FRMD5: variants seen among roughly 807,000 people sequenced by gnomAD.
The protein encoded by FRMD5 is FERM domain containing 5, also known as FERM domain-containing protein 5.
FRMD5 carries 20 observed loss-of-function variants against 69.0 expected under a neutral mutation model. The observed-to-expected ratio is 0.29, with a 90% CI of 0.20 to 0.42. FRMD5 has a LOEUF of 0.42. FRMD5 is among the 10% of genes least tolerant of loss of function. FRMD5 has a pLI of 1.00. For missense variants in FRMD5, 595 were observed against 708.6 expected, an observed-to-expected ratio of 0.84 and a Z score of 1.82; for synonymous variants, 271 against 260.1, an observed-to-expected ratio of 1.04 and a Z score of -0.40.
At chr15:44,051,918 T>G (rs1474709732) in intron 1 of FRMD5, among the ~76,000 whole-genome samples, 2 of 152,190 alleles carry the variant, frequency 1.3e-5, no homozygotes, top group Non-Finnish European at 2.9e-5. Context: ...TCACTGTTAA[T>G]GCTGATCTTC....
chr15:44,093,733 C>T (rs1463192975), intron 1 of FRMD5, among the ~76,000 whole-genome samples: 6 of 151,838 alleles, frequency 4.0e-5, no homozygotes, highest in African/African-American at 7.3e-5. Flanking sequence ...CCACCATGCC[C>T]GGCTAATTTT....
At chr15:44,092,835 C>T (rs2076492013) in intron 1 of FRMD5, among the ~76,000 whole-genome samples, 2 of 152,044 alleles carry the variant, frequency 1.3e-5, no homozygotes, top group East Asian at 1.9e-4. Context: ...TTTCGCTGAC[C>T]CCACATCCTA....
At chr15:43,885,990 A>G (rs1480578298) in intron 10 of FRMD5, among the ~76,000 whole-genome samples, 1 of 152,146 alleles carries the variant, frequency 6.6e-6, no homozygotes, top group East Asian at 1.9e-4. Context: ...GTGTCAGGAG[A>G]GTGAAGGCTC....
At chr15:44,024,829 G>T (rs1891360556) in intron 1 of FRMD5, among the ~76,000 whole-genome samples, 1 of 152,182 alleles carries the variant, frequency 6.6e-6, no homozygotes. Context: ...ATACCTGAAA[G>T]CTCTTAGTCA....
At chr15:43,989,857 G>A in intron 1 of FRMD5, 15 of 1,025,842 alleles carry the variant, frequency 1.5e-5, no homozygotes, top group Non-Finnish European at 2.3e-5. Flanking sequence ...GGGGCTCAGG[G>A]GGACCTTGGT....
At chr15:44,152,453 G>T (rs1566973311) in intron 1 of FRMD5, among the ~76,000 whole-genome samples, 1 of 152,108 alleles carries the variant, frequency 6.6e-6, no homozygotes, top group South Asian at 2.1e-4. Context: ...TCCAGTTTGG[G>T]ACAATTATAA....
intron 1 of FRMD5, among the ~76,000 whole-genome samples, chr15:44,012,313 TA>T (rs1387583230): frequency 6.6e-6 from 1 of 152,224 alleles, no homozygotes; most frequent in Non-Finnish European, 1.5e-5. Context: ...ACAGAGACTC[TA>T]AACTTTTCTA....
At chr15:44,097,785 G>C (rs1046120024) in intron 1 of FRMD5, among the ~76,000 whole-genome samples, 7 of 152,102 alleles carry the variant, frequency 4.6e-5, no homozygotes, top group Non-Finnish European at 1.0e-4. Context: ...ATGCCAAAAT[G>C]TTCTTCCCAA....
At chr15:44,157,188 T>TA (rs1461729085) in intron 1 of FRMD5, among the ~76,000 whole-genome samples, 1 of 152,238 alleles carries the variant, frequency 6.6e-6, no homozygotes, top group Non-Finnish European at 1.5e-5. Context: ...CAGATATGTT[T>TA]AATTCCTACT....
chr15:44,118,536 T>C (rs563662380), intron 1 of FRMD5, among the ~76,000 whole-genome samples: 259 of 152,312 alleles, frequency 1.7e-3, no homozygotes, highest in Non-Finnish European at 3.1e-3. Context: ...TTGGCCCCTA[T>C]ACTCACTTTT....
chr15:44,052,663 T>C (rs758728728), intron 1 of FRMD5, among the ~76,000 whole-genome samples: 1 of 152,190 alleles, frequency 6.6e-6, no homozygotes, highest in Non-Finnish European at 1.5e-5. Flanking sequence ...CTCTAATATA[T>C]CAGTTTTAGT....
At chr15:43,973,923 C>G (rs1278785427) in intron 1 of FRMD5, among the ~76,000 whole-genome samples, 2 of 150,994 alleles carry the variant, frequency 1.3e-5, no homozygotes, top group Non-Finnish European at 2.9e-5. Context: ...ACTGCTGGAA[C>G]TAGATGCAGG....
At chr15:43,941,635 T>C (rs905312410) in intron 1 of FRMD5, among the ~76,000 whole-genome samples, 2 of 152,182 alleles carry the variant, frequency 1.3e-5, no homozygotes, top group Non-Finnish European at 2.9e-5. Flanking sequence ...AAAATAAATC[T>C]TGACAGCATA....
At chr15:43,975,297 T>C (rs1382766629) in intron 1 of FRMD5, among the ~76,000 whole-genome samples, 1 of 152,144 alleles carries the variant, frequency 6.6e-6, no homozygotes, top group African/African-American at 2.4e-5. Flanking sequence ...TGCCTCAATA[T>C]CTAAATTACT....
At chr15:44,139,809 T>A (rs1262142217) in intron 1 of FRMD5, among the ~76,000 whole-genome samples, 1 of 145,074 alleles carries the variant, frequency 6.9e-6, no homozygotes, top group Non-Finnish European at 1.5e-5. Context: ...TGAATGAAAG[T>A]ATACAATTAA....
chr15:43,990,431 G>T lies in FRMD5; in HGVS notation c.103-66122C>A, dbSNP rs139596070. Among the ~76,000 whole-genome samples, 1,016 of 152,080 alleles carry T rather than the reference G, an allele frequency of 6.7e-3. 14 individuals carry two copies. Among genetic ancestry groups the T allele is most frequent in the African/African-American group, 0.023 (971 of 41,474 alleles). On this transcript the variant is annotated intron_variant, in intron 1 of 13. Transcript: ENST00000417257. The stretch of plus-strand genomic sequence containing the variant: ...ATTATTTATAATGTTTTAAATTACA[G>T]CTTACTAACATTAGTTTTACTATGT...
chr15:44,079,112 T>C (rs1362294111), intron 1 of FRMD5, among the ~76,000 whole-genome samples: 1 of 152,070 alleles, frequency 6.6e-6, no homozygotes. Context: ...AGGACTTGAA[T>C]AGATATTTCT....
intron 1 of FRMD5, among the ~76,000 whole-genome samples, chr15:44,074,155 A>C (rs1216127201): frequency 6.6e-6 from 1 of 152,204 alleles, no homozygotes; most frequent in East Asian, 1.9e-4. Flanking sequence ...TTATCTATAA[A>C]ATGAGTAGTT....
At chr15:43,956,616 G>T (rs1241843134) in intron 1 of FRMD5, among the ~76,000 whole-genome samples, 5 of 152,254 alleles carry the variant, frequency 3.3e-5, no homozygotes, top group Admixed American at 3.3e-4. Context: ...TGGGTCACGG[G>T]TTAACTAAAG....
Sources: allele counts gnomAD v4.1 joint callset (sites outside exome capture counted in the v4.1 genomes callset), GRCh38; gene constraint gnomAD v4.1.1; transcripts MANE v1.5; gene names NCBI Gene and HGNC (gene_info 2026-07-23, HGNC 2026-07-21).